SMG1: variants seen among roughly 807,000 people sequenced by gnomAD.
SMG1 encodes the protein serine/threonine-protein kinase SMG1.
SMG1 carries 22 observed loss-of-function variants against 419.9 expected under a neutral mutation model. The observed-to-expected ratio is 0.05, with a 90% CI of 0.04 to 0.07. SMG1 has a LOEUF of 0.07. SMG1 is among the 10% of genes least tolerant of loss of function. The pLI, the probability that SMG1 is intolerant of heterozygous loss-of-function variation, is 1.00. For missense variants in SMG1, 3,185 were observed against 4,342.0 expected (o/e 0.73, Z 7.49); for synonymous variants, 1,538 against 1,553.5 (o/e 0.99, Z 0.23).
intron 11 of SMG1, 71 bp from the exon 12 acceptor site, chr16:18,877,303 C>T: frequency 1.8e-6 from 2 of 1,136,182 alleles, no homozygotes; most frequent in South Asian, 1.4e-5. Flanking sequence ...CTTAAATGCA[C>T]ACTGATAAGT....
chr16:18,836,045 G>C lies in SMG1; in HGVS notation c.7945C>G (p.Leu2649Val). Residue 2649 changes from leucine to valine, a missense_variant, in exon 48 of 63, where the codon CTG becomes GTG. Coordinates refer to ENST00000446231, the MANE Select transcript of SMG1 (RefSeq NM_015092.5). ...TGAAATATGGCCTTCGGATACTGCA[G>C]GGCCACGGTTGCATAGTGATGCAGT... is the stretch of plus-strand genomic sequence containing the variant. Reference protein sequence around the residue: ...EQLHHYATVALQYPKAIFQKH... With the variant: ...EQLHHYATVAVQYPKAIFQKH... 5 of 1,596,062 alleles carry C rather than the reference G, an allele frequency of 3.1e-6. No individual in the cohort carries two copies. The highest frequency in any genetic ancestry group is 4.3e-6 in the Non-Finnish European group (5 of 1,171,170).
chr16:18,876,415 G>C (rs1443932613), intron 12 of SMG1, 22 bp from the exon 13 acceptor site: 3 of 1,573,388 alleles, frequency 1.9e-6, no homozygotes, highest in East Asian at 2.3e-5. Context: ...AAAATTCAAG[G>C]AAGTGATAAA....
At chr16:18,820,032 C>T (rs1233225862) in intron 55 of SMG1, among the ~76,000 whole-genome samples, 1 of 152,106 alleles carries the variant, frequency 6.6e-6, no homozygotes, top group Non-Finnish European at 1.5e-5. Flanking sequence ...GTGGTGCAAT[C>T]TCAGCTCACT....
At chr16:18,887,671 TTAAA>T (rs1363851429) in intron 6 of SMG1, among the ~76,000 whole-genome samples, 4 of 80,310 alleles carry the variant, frequency 5.0e-5, no homozygotes, top group East Asian at 2.6e-4. Context: ...CACTTTTTAT[TTAAA>T]AAAAAAAAAA....
chr16:18,926,213 G>C lies in SMG1; in HGVS notation c.-172C>G. Reference sequence around the variant, plus strand: ...GGAGGCGGCGGAGGGCGGGGGAAGAGGACGGCCGTTCCGGGTTCCGCCTGA... The same window carrying C: ...GGAGGCGGCGGAGGGCGGGGGAAGACGACGGCCGTTCCGGGTTCCGCCTGA... On this transcript the variant is annotated 5_prime_UTR_variant, in exon 1 of 63. Coordinates refer to ENST00000446231, the MANE Select transcript of SMG1 (RefSeq NM_015092.5). 1.7e-6 allele frequency: 1 copy of C among 599,372 alleles called. No individual in the cohort carries two copies. The highest frequency in any genetic ancestry group is 2.8e-6 in the Non-Finnish European group (1 of 356,502). The allele number at this position is 599,372 out of a possible 1,614,324, so 37.1% of individuals were successfully genotyped here.
At chr16:18,913,819 G>A (rs1488108390) in intron 1 of SMG1, among the ~76,000 whole-genome samples, 1 of 151,938 alleles carries the variant, frequency 6.6e-6, no homozygotes, top group Non-Finnish European at 1.5e-5. Flanking sequence ...AACAAAGAAT[G>A]AGCATAACTT....
chr16:18,882,119 A>C, intron 10 of SMG1, 46 bp downstream of exon 10: 1 of 1,398,570 alleles, frequency 7.2e-7, no homozygotes, highest in Non-Finnish European at 9.5e-7. Flanking sequence ...ACAGTGTAAA[A>C]CAATTTTATT....
At position 18,838,612 on chromosome 16, in the gene SMG1, A is replaced by G. The variant is rs758207800; in HGVS notation, c.7023T>C (p.Val2341=). 4 of 1,613,678 alleles carry G rather than the reference A, an allele frequency of 2.5e-6. No individual in the cohort carries two copies. In the East Asian group the frequency reaches 8.9e-5, roughly 36 times the overall value. The change falls in exon 43 of 63, where the codon GTT becomes GTC. Residue 2341 remains valine (V), a synonymous_variant. Transcript: ENST00000446231. Reference sequence around the variant, plus strand: ...CTTCTCCAGTCGTCATATCTATAAGAACATTATCCAGATGTCTGTCTCCAA... The same window carrying G: ...CTTCTCCAGTCGTCATATCTATAAGGACATTATCCAGATGTCTGTCTCCAA... ...IGLGDRHLDN[V]LIDMTTGEVV... is the part of the protein sequence containing the mutation.
chr16:18,848,244 T>C (rs1039100996), intron 36 of SMG1, among the ~76,000 whole-genome samples: 2 of 152,058 alleles, frequency 1.3e-5, no homozygotes, highest in African/African-American at 4.8e-5. Context: ...TAATGGAAGA[T>C]ACAAAGGAGA....
intron 48 of SMG1, 133 bp downstream of exon 48, chr16:18,835,800 G>C (rs1410906522): frequency 1.6e-5 from 13 of 821,586 alleles, no homozygotes; most frequent in Non-Finnish European, 2.4e-5. Context: ...TCTGGAGGCT[G>C]AGGCAGAGGA....
intron 8 of SMG1, 35 bp from the exon 9 acceptor site, chr16:18,884,202 G>A: frequency 8.6e-7 from 1 of 1,159,968 alleles, no homozygotes; most frequent in Non-Finnish European, 1.3e-6. Context: ...AAAGGGTAGG[G>A]GGGAAAAAAA....
Position 18,926,283 on chromosome 16 carries a change from G to C in SMG1, c.-242C>G, listed in dbSNP as rs1015192625. 3 of 517,288 alleles carry C rather than the reference G, an allele frequency of 5.8e-6. No homozygotes were observed. The highest frequency in any genetic ancestry group is 3.4e-6 in the Non-Finnish European group (1 of 296,138). The allele number at this position is 517,288 out of a possible 1,614,324, so 32.0% of individuals were successfully genotyped here. A position where few individuals can be genotyped will look rare whatever the true frequency, so the allele number is the denominator to read the frequency against. The stretch of plus-strand genomic sequence containing the variant: ...GAGGCGGGAGCGGCGCGGTGAGAGA[G>C]AGGCGGATGAAGGGGAGGCGACGTC... On this transcript the variant is annotated 5_prime_UTR_variant, in exon 1 of 63. Transcript: ENST00000446231.
intron 6 of SMG1, among the ~76,000 whole-genome samples, chr16:18,888,095 G>T (rs537385270): frequency 1.2e-4 from 17 of 142,136 alleles, no homozygotes; most frequent in Non-Finnish European, 2.3e-4. Context: ...AACCTGGGAG[G>T]CAGAAGTTGC....
At chr16:18,832,286 G>C (rs1276079543) in intron 51 of SMG1, among the ~76,000 whole-genome samples, 1 of 152,216 alleles carries the variant, frequency 6.6e-6, no homozygotes, top group Non-Finnish European at 1.5e-5. Flanking sequence ...TACAATGCAT[G>C]TCTGCAGGAA....
chr16:18,864,908 G>A (rs1027498803), intron 23 of SMG1, among the ~76,000 whole-genome samples: 4 of 152,078 alleles, frequency 2.6e-5, no homozygotes, highest in African/African-American at 9.7e-5. Context: ...TCACAACTAT[G>A]AAACTAAATT....
At position 18,910,003 on chromosome 16, in the gene SMG1, GA is replaced by G. The variant is rs368962179; in HGVS notation, c.93-13048del. ...TAACTTTTATAATTCCCTTTTACAA[GA>G]AAAAAAAAACAATGTTTCTAGATAT... On this transcript the variant is annotated intron_variant, in intron 1 of 62. Transcript: ENST00000446231. 7.1e-4 allele frequency among the ~76,000 whole-genome samples: 101 copies of G among 142,228 alleles called. 2 individuals are homozygous for G. The highest frequency in any genetic ancestry group is 3.5e-3 in the Middle Eastern group (1 of 282). 93.3% of individuals were successfully genotyped at this position (142,228 alleles called of 152,430 possible).
At chr16:18,810,868 A>T (rs891255337) in intron 62 of SMG1, among the ~76,000 whole-genome samples, 2 of 152,288 alleles carry the variant, frequency 1.3e-5, no homozygotes, top group South Asian at 4.1e-4. Flanking sequence ...AGAACCCTCA[A>T]ATTGTTCAGA....
chr16:18,884,493 C>T (rs187916384), intron 8 of SMG1, among the ~76,000 whole-genome samples: 78 of 152,298 alleles, frequency 5.1e-4, no homozygotes, highest in African/African-American at 1.8e-3. Flanking sequence ...CCCAGCTAAT[C>T]CCAGGGCCAC....
At position 18,880,586 on chromosome 16, in the gene SMG1, G is replaced by A. The variant is rs555536514; in HGVS notation, c.1294-867C>T. Among the ~76,000 whole-genome samples, 34 of 152,002 alleles carry A rather than the reference G, an allele frequency of 2.2e-4. No homozygotes were observed. In the South Asian group the frequency reaches 7.1e-3, roughly 32 times the overall value. ...TTAAATTAGTTGGGCATGGTGGCTC[G>A]CACCAGTAGTCCCAACTACTTGAGA... On this transcript the variant is annotated intron_variant, in intron 10 of 62. Transcript: ENST00000446231.
Sources: gnomAD v4.1 joint callset for allele counts (sites outside exome capture counted in the v4.1 genomes callset) on GRCh38, gnomAD v4.1.1 for gene constraint, MANE v1.5 for transcripts, NCBI Gene and HGNC (gene_info 2026-07-23, HGNC 2026-07-21) for gene names.